Variants in FANCC observed in about 807,000 individuals in gnomAD.
FANCC encodes the protein Fanconi anemia group C protein.
FANCC carries 55 observed loss-of-function variants against 71.3 expected under a neutral mutation model. That is an observed-to-expected ratio of 0.77 (90% CI 0.62 to 0.97). The LOEUF is 0.97. FANCC is among the 50% of genes least tolerant of loss of function. FANCC has a pLI of 0.00. For missense variants in FANCC, 678 were observed against 670.9 expected (o/e 1.01, Z -0.12); for synonymous variants, 275 against 244.9 (o/e 1.12, Z -1.15).
chr9:95,255,745 C>A (rs1831616626), intron 1 of FANCC, among the ~76,000 whole-genome samples: 1 of 152,008 alleles, frequency 6.6e-6, no homozygotes, highest in South Asian at 2.1e-4. Flanking sequence ...TAATAACAAA[C>A]TCCTCCAAGC....
chr9:95,248,234 A>G (rs1831115278), intron 2 of FANCC, among the ~76,000 whole-genome samples: 2 of 152,268 alleles, frequency 1.3e-5, no homozygotes, highest in Admixed American at 6.5e-5. Context: ...CTAGGATAAC[A>G]TGCAGGTAAG....
chr9:95,307,913 G>A (rs1369948304), intron 1 of FANCC, among the ~76,000 whole-genome samples: 3 of 152,216 alleles, frequency 2.0e-5, no homozygotes, highest in Non-Finnish European at 4.4e-5. Flanking sequence ...CCCAGTTCTG[G>A]AGGCTGGGAA....
In FANCC at chr9:95,130,297, TGTGAGAGA is replaced by T. The variant is rs1161465516; in HGVS notation, c.844-3724_844-3717del. 2.0e-5 allele frequency among the ~76,000 whole-genome samples: 3 copies of T among 147,592 alleles called. No individual in the cohort carries two copies. In the East Asian group the frequency reaches 5.8e-4, roughly 29 times the overall value. The stretch of plus-strand genomic sequence containing the variant: ...TTTGCTGATTCTGTGTGTGTGTGTG[TGTGAGAGA>T]GAGAGAGAGAGAGAGAGAATAGGGA... On this transcript the variant is annotated intron_variant, in intron 8 of 14. Transcript: ENST00000289081.
At chr9:95,220,530 A>G (rs1829179040) in intron 4 of FANCC, among the ~76,000 whole-genome samples, 2 of 152,256 alleles carry the variant, frequency 1.3e-5, no homozygotes, top group South Asian at 4.1e-4. Context: ...ATGGAATACT[A>G]TGCAGCCATA....
intron 10 of FANCC, 108 bp from the exon 11 acceptor site, chr9:95,117,498 C>T (rs1231705090): frequency 1.3e-6 from 1 of 799,252 alleles, no homozygotes; most frequent in Non-Finnish European, 2.2e-6. Flanking sequence ...CCAGTACTAA[C>T]ATGGTCAGAA....
Position 95,263,455 on chromosome 9 carries a change from CA to C in FANCC, c.-78-14087del, listed in dbSNP as rs1472820195. Among the ~76,000 whole-genome samples, 6 of 149,804 alleles carry C rather than the reference CA, an allele frequency of 4.0e-5. No homozygotes were observed. The East Asian group carries it at 7.9e-4, about 20-fold the overall frequency. Reference sequence around the variant, plus strand: ...CATCCTTCAATGTTACTGAAGACCCCAAAGAGTTTTATTTATATATATATGT... The same window carrying C: ...CATCCTTCAATGTTACTGAAGACCCCAAGAGTTTTATTTATATATATATGT... On this transcript the variant is annotated intron_variant, in intron 1 of 14. Transcript: ENST00000289081.
chr9:95,182,684 T>C (rs570003081), intron 4 of FANCC, among the ~76,000 whole-genome samples: 3 of 152,098 alleles, frequency 2.0e-5, no homozygotes, highest in Admixed American at 1.3e-4. Context: ...GTGAGCCAGC[T>C]TGCTGAGTGC....
At chr9:95,251,479 C>T (rs1831324930) in intron 1 of FANCC, among the ~76,000 whole-genome samples, 1 of 152,086 alleles carries the variant, frequency 6.6e-6, no homozygotes, top group Non-Finnish European at 1.5e-5. Context: ...CCACGCCCGG[C>T]TAATTTTTGT....
At chr9:95,148,792 G>A (rs972294889) in intron 7 of FANCC, among the ~76,000 whole-genome samples, 1 of 152,236 alleles carries the variant, frequency 6.6e-6, no homozygotes, top group African/African-American at 2.4e-5. Flanking sequence ...AGTATGGAAA[G>A]TTAACTGACA....
At chr9:95,251,703 T>A (rs189780270) in intron 1 of FANCC, among the ~76,000 whole-genome samples, 13 of 152,292 alleles carry the variant, frequency 8.5e-5, no homozygotes, top group Admixed American at 8.5e-4. Flanking sequence ...ATTAGTAATA[T>A]CTCATTTTAT....
At position 95,114,730 on chromosome 9, in the gene FANCC, C is replaced by A; in HGVS notation, c.1073-20G>T. On this transcript the variant is annotated intron_variant, in intron 11 of 14. Transcript: ENST00000289081. ...GGATATCTGCGGGTGGAGAGAGATA[C>A]GTCAGAGGGCAACTGAGGAAATGTC... 1 of 1,606,572 alleles carries A rather than the reference C, an allele frequency of 6.2e-7. No homozygotes were observed. The highest frequency in any genetic ancestry group is 2.2e-5 in the East Asian group (1 of 44,852).
At chr9:95,171,977 T>C in intron 5 of FANCC, 60 bp downstream of exon 5, 1 of 1,033,784 alleles carries the variant, frequency 9.7e-7, no homozygotes, top group Non-Finnish European at 1.5e-6. Context: ...CATTTACTCT[T>C]TTTGCTGATG....
At chr9:95,106,947 C>T in intron 14 of FANCC, 119 bp downstream of exon 14, 2 of 974,874 alleles carry the variant, frequency 2.1e-6, no homozygotes, top group Non-Finnish European at 3.2e-6. Flanking sequence ...GACCATTTAT[C>T]TGTGCTGGGC....
intron 8 of FANCC, among the ~76,000 whole-genome samples, chr9:95,129,506 C>CT (rs1157804698): frequency 6.6e-6 from 1 of 152,194 alleles, no homozygotes; most frequent in Non-Finnish European, 1.5e-5. Flanking sequence ...AGGTGGGGCA[C>CT]TCCGGTAACA....
intron 1 of FANCC, among the ~76,000 whole-genome samples, chr9:95,316,302 A>G (rs539374568): frequency 2.6e-5 from 4 of 152,276 alleles, no homozygotes; most frequent in African/African-American, 7.2e-5. Context: ...GGTACAGCAC[A>G]TAACATTGAA....
intron 6 of FANCC, among the ~76,000 whole-genome samples, chr9:95,160,227 G>C (rs1386636229): frequency 6.6e-6 from 1 of 152,156 alleles, no homozygotes; most frequent in Non-Finnish European, 1.5e-5. Flanking sequence ...AAGGGATCCA[G>C]TTTCAGCTTT....
intron 4 of FANCC, among the ~76,000 whole-genome samples, chr9:95,211,377 T>G (rs1400127091): frequency 6.6e-6 from 1 of 151,992 alleles, no homozygotes; most frequent in Non-Finnish European, 1.5e-5. Flanking sequence ...GGGCTCTGAG[T>G]TTTTGGCTGA....
intron 1 of FANCC, among the ~76,000 whole-genome samples, chr9:95,280,017 T>A (rs902228233): frequency 4.1e-5 from 6 of 147,242 alleles, no homozygotes; most frequent in Non-Finnish European, 8.9e-5. Flanking sequence ...GAAAACATGA[T>A]CTAACTATAT....
At chr9:95,175,184 T>G (rs1318911483) in intron 4 of FANCC, among the ~76,000 whole-genome samples, 12 of 152,210 alleles carry the variant, frequency 7.9e-5, no homozygotes, top group Admixed American at 7.9e-4. Flanking sequence ...CTAAGTCATG[T>G]AAGTGGAAAC....
Sources: allele counts gnomAD v4.1 joint callset (sites outside exome capture counted in the v4.1 genomes callset), GRCh38; gene constraint gnomAD v4.1.1; transcripts MANE v1.5; gene names NCBI Gene and HGNC (gene_info 2026-07-23, HGNC 2026-07-21).